The following OR2L13 variants were observed in gnomAD, a reference collection of about 807,000 sequenced individuals.
OR2L13 encodes olfactory receptor family 2 subfamily L member 13, also known as olfactory receptor 2L13.
OR2L13 carries 14 observed loss-of-function variants against 15.3 expected under a neutral mutation model. The observed-to-expected ratio is 0.91, with a 90% confidence interval of 0.60 to 1.43. The LOEUF (loss-of-function observed/expected upper bound fraction) is 1.43. Among genes scored for constraint, OR2L13 ranks in the 40% most tolerant of loss-of-function variants. The pLI, the probability that OR2L13 is intolerant of heterozygous loss-of-function variation, is 0.00. For missense variants in OR2L13, 367 were observed against 387.9 expected, an observed-to-expected ratio of 0.95 and a Z score of 0.45; for synonymous variants, 152 against 142.9, an observed-to-expected ratio of 1.06 and a Z score of -0.45.
At chr1:248,037,340 A>G in the OR2L13 span, among the ~76,000 whole-genome samples, 120 of 152,302 alleles carry the variant, frequency 7.9e-4, no homozygotes, top group African/African-American at 2.8e-3. Flanking sequence ...GAATAAATTT[A>G]GTGAGAAAAA....
the OR2L13 span, among the ~76,000 whole-genome samples, chr1:247,970,496 G>C: frequency 6.6e-6 from 1 of 151,732 alleles, no homozygotes; most frequent in Non-Finnish European, 1.5e-5. Flanking sequence ...GTGTATATAG[G>C]ATTTTTCCCC....
chr1:247,946,965 A>G, the OR2L13 span, among the ~76,000 whole-genome samples: 3 of 152,296 alleles, frequency 2.0e-5, no homozygotes, highest in South Asian at 4.1e-4. Flanking sequence ...CTTTCTAGGA[A>G]TGTCCTTAAG....
At chr1:248,034,556 C>A in the OR2L13 span, among the ~76,000 whole-genome samples, 1 of 152,166 alleles carries the variant, frequency 6.6e-6, no homozygotes, top group Non-Finnish European at 1.5e-5. Context: ...CTTTAAGTGA[C>A]TTTGGATATT....
At chr1:247,990,293 T>G in the OR2L13 span, 2 of 1,027,742 alleles carry the variant, frequency 1.9e-6, no homozygotes, top group Admixed American at 1.7e-5. Flanking sequence ...AAACATCAAC[T>G]GCTTTCATCT....
chr1:248,051,315 T>A, the OR2L13 span: 108 of 152,332 alleles, frequency 7.1e-4, 1 homozygote, highest in African/African-American at 2.4e-3. Context: ...TCAAGCTTCA[T>A]CCATGTTGTA....
chr1:247,995,852 CTGTTTAAAA>C, the OR2L13 span, among the ~76,000 whole-genome samples: 1 of 152,112 alleles, frequency 6.6e-6, no homozygotes, highest in South Asian at 2.1e-4. Context: ...CTCAAGTTTT[CTGTTTAAAA>C]TGTTTTCCAG....
the OR2L13 span, among the ~76,000 whole-genome samples, chr1:248,037,939 C>T: frequency 6.6e-6 from 1 of 152,076 alleles, no homozygotes; most frequent in East Asian, 1.9e-4. Flanking sequence ...ATTTTGTCAT[C>T]ACAAGAAAAA....
At chr1:247,937,620 C>A in the OR2L13 span, 4 of 157,436 alleles carry the variant, frequency 2.5e-5, no homozygotes, top group African/African-American at 7.4e-5. Context: ...CCCTCAGCTA[C>A]GGGGCTGGTT....
the OR2L13 span, among the ~76,000 whole-genome samples, chr1:248,079,526 C>A: frequency 6.6e-6 from 1 of 152,026 alleles, no homozygotes; most frequent in African/African-American, 2.4e-5. Context: ...AAGAACAAGA[C>A]AGGATGATTA....
chr1:247,980,942 A>G, the OR2L13 span: 1 of 152,198 alleles, frequency 6.6e-6, no homozygotes, highest in African/African-American at 2.4e-5. Flanking sequence ...AAAGGTACTA[A>G]TTATATTTGT....
the OR2L13 span, among the ~76,000 whole-genome samples, chr1:248,026,170 C>T: frequency 2.0e-4 from 30 of 152,182 alleles, no homozygotes; most frequent in Non-Finnish European, 3.5e-4. Context: ...ATATGTTTAC[C>T]TCCACAAATC....
chr1:248,060,861 C>T, the OR2L13 span: 1 of 1,613,904 alleles, frequency 6.2e-7, no homozygotes, highest in Non-Finnish European at 8.5e-7. Context: ...CCATGTATTT[C>T]CTACTTAGTC....
the OR2L13 span, chr1:248,029,360 T>G: frequency 1.3e-5 from 2 of 152,150 alleles, no homozygotes; most frequent in African/African-American, 4.8e-5. Context: ...GAAATATTAC[T>G]TTTCTCAGGT....
chr1:247,957,706 C>G, the OR2L13 span, among the ~76,000 whole-genome samples: 1 of 152,124 alleles, frequency 6.6e-6, no homozygotes, highest in Non-Finnish European at 1.5e-5. Context: ...TCCATTTCTT[C>G]TAGATTTTCT....
At chr1:248,067,829 C>A in the OR2L13 span, among the ~76,000 whole-genome samples, 2 of 152,234 alleles carry the variant, frequency 1.3e-5, no homozygotes, top group Non-Finnish European at 1.5e-5. Context: ...AAAAACGGCG[C>A]GCCAGGAGGT....
chr1:247,986,593 G>A, the OR2L13 span, among the ~76,000 whole-genome samples: 1 of 151,534 alleles, frequency 6.6e-6, no homozygotes, highest in African/African-American at 2.4e-5. Context: ...TTGGCAATGA[G>A]GACTCTTTTT....
the OR2L13 span, among the ~76,000 whole-genome samples, chr1:247,989,515 G>T: frequency 6.6e-6 from 1 of 152,092 alleles, no homozygotes; most frequent in Non-Finnish European, 1.5e-5. Flanking sequence ...GAAGTTTTAA[G>T]AGAAATGTTT....
the OR2L13 span, chr1:247,937,577 G>T: frequency 6.2e-6 from 1 of 162,346 alleles, no homozygotes; most frequent in African/African-American, 2.4e-5. Context: ...GCTCAGGGAT[G>T]GGGCTGGCTC....
chr1:248,065,378 A>G, the OR2L13 span, among the ~76,000 whole-genome samples: 1 of 152,004 alleles, frequency 6.6e-6, no homozygotes, highest in Non-Finnish European at 1.5e-5. Flanking sequence ...AAGGGACATG[A>G]GTATTCATTC....
Sources: allele counts gnomAD v4.1 joint callset (sites outside exome capture counted in the v4.1 genomes callset), GRCh38; gene constraint gnomAD v4.1.1; transcripts MANE v1.5; gene names NCBI Gene and HGNC (gene_info 2026-07-23, HGNC 2026-07-21).